The following ZFPM2 variants were observed in gnomAD, a reference collection of about 807,000 sequenced individuals.
ZFPM2 encodes the protein zinc finger protein ZFPM2.
Under a neutral mutation model 98.6 loss-of-function variants are expected in ZFPM2, and 20 were observed. The ratio of observed to expected loss-of-function variants is 0.20; its 90% confidence interval spans 0.14 to 0.29. The LOEUF is 0.29. Among genes scored for constraint, ZFPM2 ranks in the 10% least tolerant of loss-of-function variants. The probability of loss-of-function intolerance (pLI) is 1.00; values close to 1 mark genes in which losing one functional copy is unlikely to be tolerated. For synonymous variants in ZFPM2, 518 were observed against 502.7 expected (o/e 1.03, Z -0.41); for missense variants, 1,310 against 1,388.6 (o/e 0.94, Z 0.90).
At chr8:105,463,283 A>G (rs982940913) in intron 3 of ZFPM2, among the ~76,000 whole-genome samples, 7 of 113,268 alleles carry the variant, frequency 6.2e-5, no homozygotes, top group Admixed American at 9.2e-5. Context: ...TTAAAACTAT[A>G]TATGTGTGTG....
At chr8:105,405,455 G>T (rs1004795566) in intron 1 of ZFPM2, among the ~76,000 whole-genome samples, 1 of 133,964 alleles carries the variant, frequency 7.5e-6, no homozygotes, top group African/African-American at 2.9e-5. Context: ...ACAGTCCCTG[G>T]TGTGTGATGT....
chr8:105,319,030 C>A (rs2130635911), intron 1 of ZFPM2, 49 bp downstream of exon 1: 2 of 1,466,382 alleles, frequency 1.4e-6, no homozygotes, highest in South Asian at 1.3e-5. Flanking sequence ...TGCCCAGGAG[C>A]GGGGTGCGCG....
chr8:105,685,486 A>G (rs919227128), intron 5 of ZFPM2, among the ~76,000 whole-genome samples: 2 of 152,120 alleles, frequency 1.3e-5, no homozygotes, highest in African/African-American at 4.8e-5. Context: ...TTCAGTCAAT[A>G]TATTTTCTAC....
chr8:105,484,153 CA>C (rs1813180836), intron 3 of ZFPM2, among the ~76,000 whole-genome samples: 2 of 152,032 alleles, frequency 1.3e-5, no homozygotes, highest in Admixed American at 6.6e-5. Flanking sequence ...TATAATGATT[CA>C]TTTCATTCAT....
At chr8:105,478,883 G>C (rs1813062577) in intron 3 of ZFPM2, among the ~76,000 whole-genome samples, 1 of 152,032 alleles carries the variant, frequency 6.6e-6, no homozygotes, top group African/African-American at 2.4e-5. Flanking sequence ...AGGATTTCGT[G>C]GAATGCTACT....
intron 5 of ZFPM2, among the ~76,000 whole-genome samples, chr8:105,634,564 A>G (rs1816812447): frequency 6.8e-6 from 1 of 146,428 alleles, no homozygotes; most frequent in South Asian, 2.2e-4. Context: ...GTGACATACC[A>G]TTAATTTACT....
intron 1 of ZFPM2, among the ~76,000 whole-genome samples, chr8:105,352,144 CA>C (rs1812661238): frequency 2.0e-5 from 3 of 152,180 alleles, no homozygotes; most frequent in African/African-American, 7.2e-5. Context: ...AAACTTCATG[CA>C]TCTTACGTTT....
chr8:105,519,356 A>G (rs1320687346), intron 3 of ZFPM2, among the ~76,000 whole-genome samples: 9 of 152,136 alleles, frequency 5.9e-5, no homozygotes, highest in Non-Finnish European at 1.2e-4. Flanking sequence ...AACTAGTGAT[A>G]GTTGAAAAAT....
chr8:105,465,581 G>A (rs1258285152), intron 3 of ZFPM2, among the ~76,000 whole-genome samples: 2 of 151,944 alleles, frequency 1.3e-5, no homozygotes, highest in South Asian at 2.1e-4. Flanking sequence ...AAAAAATATA[G>A]TTGATATATA....
At chr8:105,790,524 G>A (rs1052869225) in intron 6 of ZFPM2, among the ~76,000 whole-genome samples, 1 of 151,826 alleles carries the variant, frequency 6.6e-6, no homozygotes, top group Non-Finnish European at 1.5e-5. Context: ...AAGTCAGGTA[G>A]CGTGATGCCT....
chr8:105,523,672 T>TA (rs1814110465), intron 3 of ZFPM2, among the ~76,000 whole-genome samples: 1 of 152,220 alleles, frequency 6.6e-6, no homozygotes, highest in Admixed American at 6.5e-5. Flanking sequence ...TGGTGGTTGT[T>TA]ACTATGTTGG....
intron 1 of ZFPM2, among the ~76,000 whole-genome samples, chr8:105,381,521 C>G (rs761902640): frequency 6.6e-6 from 1 of 152,098 alleles, no homozygotes; most frequent in Non-Finnish European, 1.5e-5. Flanking sequence ...CCCAAAACAC[C>G]TAACACAAGT....
At chr8:105,724,059 T>C (rs937261583) in intron 5 of ZFPM2, among the ~76,000 whole-genome samples, 14 of 151,874 alleles carry the variant, frequency 9.2e-5, no homozygotes, top group Non-Finnish European at 8.8e-5. Flanking sequence ...AACTTTAGAT[T>C]CTTCACCTTC....
intron 3 of ZFPM2, among the ~76,000 whole-genome samples, chr8:105,533,956 C>CT (rs1814363944): frequency 6.6e-5 from 1 of 15,234 alleles, no homozygotes; most frequent in African/African-American, 1.0e-3. Context: ...TCTTTCCTTC[C>CT]TCCCTCCCTC....
At chr8:105,330,598 A>ATATATATACG (rs1812206077) in intron 1 of ZFPM2, among the ~76,000 whole-genome samples, 1 of 17,112 alleles carries the variant, frequency 5.8e-5, no homozygotes, top group Non-Finnish European at 9.6e-5. Context: ...ATATATACAT[A>ATATATATACG]TATATATATA....
chr8:105,400,492 G>A (rs771713866), intron 1 of ZFPM2, among the ~76,000 whole-genome samples: 2 of 151,518 alleles, frequency 1.3e-5, no homozygotes, highest in Non-Finnish European at 2.9e-5. Context: ...CAATTCCCAC[G>A]AAATTTATTT....
At chr8:105,647,523 C>T (rs1322930868) in intron 5 of ZFPM2, among the ~76,000 whole-genome samples, 2 of 143,048 alleles carry the variant, frequency 1.4e-5, no homozygotes, top group African/African-American at 5.1e-5. Flanking sequence ...GCTATCCCTC[C>T]CGCCCCCCCC....
intron 5 of ZFPM2, among the ~76,000 whole-genome samples, chr8:105,691,219 T>C (rs1810870877): frequency 6.7e-6 from 1 of 149,480 alleles, no homozygotes; most frequent in Non-Finnish European, 1.5e-5. Context: ...AAGCGCCCTG[T>C]TCCCAAAGAG....
intron 5 of ZFPM2, among the ~76,000 whole-genome samples, chr8:105,644,297 TA>T (rs58170875): frequency 4.8e-5 from 7 of 145,576 alleles, no homozygotes; most frequent in East Asian, 2.0e-4. Context: ...TTTTTTTTTT[TA>T]AAAAAAAAAC....
Sources: allele counts gnomAD v4.1 joint callset (sites outside exome capture counted in the v4.1 genomes callset), GRCh38; gene constraint gnomAD v4.1.1; transcripts MANE v1.5; gene names NCBI Gene and HGNC (gene_info 2026-07-23, HGNC 2026-07-21).